The following UBE3A variants were observed in gnomAD, a reference collection of about 807,000 sequenced individuals.
UBE3A encodes the protein ubiquitin-protein ligase E3A.
UBE3A carries 6 observed loss-of-function variants against 83.4 expected under a neutral mutation model. The ratio of observed to expected loss-of-function variants is 0.07; its 90% CI spans 0.04 to 0.14. The LOEUF (loss-of-function observed/expected upper bound fraction) is 0.14. UBE3A is among the 10% of genes least tolerant of loss of function. The pLI is 1.00. For synonymous variants in UBE3A, 337 were observed against 355.4 expected (o/e 0.95, Z 0.58); for missense variants, 456 against 1,036.1 (o/e 0.44, Z 7.69).
At chr15:25,414,702 GT>G (rs980827540) in intron 1 of UBE3A, among the ~76,000 whole-genome samples, 3 of 152,152 alleles carry the variant, frequency 2.0e-5, no homozygotes, top group African/African-American at 7.2e-5. Flanking sequence ...ATATCAAATT[GT>G]TTACCAATTG....
chr15:25,429,790 AG>A (rs1306805565), intron 1 of UBE3A, among the ~76,000 whole-genome samples: 2 of 151,724 alleles, frequency 1.3e-5, no homozygotes, highest in Non-Finnish European at 2.9e-5. Flanking sequence ...AGATCACCTG[AG>A]GTTAGGAGTT....
chr15:25,405,642 T>C (rs1190491799), intron 3 of UBE3A, 140 bp from the exon 4 acceptor site: 3 of 883,728 alleles, frequency 3.4e-6, no homozygotes, highest in Admixed American at 4.2e-5. Flanking sequence ...GATGTCAACA[T>C]GAAAGAAAGT....
At chr15:25,428,457 G>A (rs978691626) in intron 1 of UBE3A, among the ~76,000 whole-genome samples, 5 of 152,070 alleles carry the variant, frequency 3.3e-5, no homozygotes, top group African/African-American at 1.2e-4. Flanking sequence ...CATACTACCA[G>A]AGAATACTAC....
chr15:25,354,458 C>A, intron 10 of UBE3A, 32 bp from the exon 11 acceptor site: 2 of 1,611,768 alleles, frequency 1.2e-6, no homozygotes, highest in Non-Finnish European at 1.7e-6. Context: ...TCTTAGTTAT[C>A]TGCTATACTA....
intron 6 of UBE3A, among the ~76,000 whole-genome samples, chr15:25,368,424 A>T (rs372410063): frequency 3.9e-5 from 6 of 152,124 alleles, no homozygotes; most frequent in African/African-American, 7.2e-5. Flanking sequence ...AGGGAGAAAG[A>T]AAGTTAAGAG....
intron 4 of UBE3A, among the ~76,000 whole-genome samples, chr15:25,396,822 A>T (rs1199014483): frequency 1.3e-5 from 2 of 152,176 alleles, no homozygotes; most frequent in Non-Finnish European, 2.9e-5. Flanking sequence ...CATCCTAGGA[A>T]ATTGGCAACA....
intron 11 of UBE3A, among the ~76,000 whole-genome samples, chr15:25,341,622 GC>G (rs1454446708): frequency 6.6e-6 from 1 of 151,056 alleles, no homozygotes; most frequent in Non-Finnish European, 1.5e-5. Context: ...AATTAGCCGG[GC>G]GTGGTGGCAG....
chr15:25,423,676 TTC>T (rs1213174997), intron 1 of UBE3A, among the ~76,000 whole-genome samples: 2 of 152,192 alleles, frequency 1.3e-5, no homozygotes, highest in African/African-American at 2.4e-5. Context: ...CCATCCTTTT[TTC>T]TGTTTTTCCT....
At chr15:25,401,616 T>C (rs1345337332) in intron 4 of UBE3A, among the ~76,000 whole-genome samples, 2 of 152,220 alleles carry the variant, frequency 1.3e-5, no homozygotes, top group African/African-American at 4.8e-5. Context: ...CTCTTATTTC[T>C]TGTACTTCTC....
chr15:25,389,550 T>G (rs533333226), intron 4 of UBE3A, among the ~76,000 whole-genome samples: 1 of 152,090 alleles, frequency 6.6e-6, no homozygotes, highest in East Asian at 1.9e-4. Flanking sequence ...AAGCCACAGA[T>G]AGGGAGGAAA....
chr15:25,404,109 A>G (rs1254106372), intron 4 of UBE3A, among the ~76,000 whole-genome samples: 3 of 152,232 alleles, frequency 2.0e-5, no homozygotes, highest in African/African-American at 7.2e-5. Context: ...ATTTTACTAC[A>G]ATTTTTTAAA....
intron 11 of UBE3A, among the ~76,000 whole-genome samples, chr15:25,348,810 C>T (rs1367224892): frequency 2.6e-5 from 4 of 152,090 alleles, no homozygotes; most frequent in Non-Finnish European, 5.9e-5. Flanking sequence ...AACTAACAAA[C>T]ATCTAAATAA....
chr15:25,340,446 A>G (rs1159194829), intron 11 of UBE3A, among the ~76,000 whole-genome samples: 1 of 152,222 alleles, frequency 6.6e-6, no homozygotes, highest in African/African-American at 2.4e-5. Flanking sequence ...ATAGTAAAAT[A>G]TTAGTACTAC....
At chr15:25,394,077 A>G (rs2085002444) in intron 4 of UBE3A, among the ~76,000 whole-genome samples, 1 of 152,204 alleles carries the variant, frequency 6.6e-6, no homozygotes, top group Admixed American at 6.5e-5. Context: ...TCAAGGTTTC[A>G]GCTTATATAC....
At position 25,371,732 on chromosome 15, in the gene UBE3A, G is replaced by A. The variant is rs587783101; in HGVS notation, c.442C>T (p.Arg148Cys). 20 of 1,613,616 alleles carry A rather than the reference G, an allele frequency of 1.2e-5. No homozygotes were observed. Among genetic ancestry groups the A allele is most frequent in the Admixed American group, 5.0e-5 (3 of 59,964 alleles). The change falls in exon 6 of 13, where the codon CGT (arginine) becomes TGT (cysteine). Residue 148 changes from arginine to cysteine, a missense_variant. Arg to Cys is a radical substitution (Grantham distance 180). This residue lies in a region of UBE3A where 34 missense variants were observed against 79.1 expected (regional missense o/e 0.43). Transcript: ENST00000648336. The surrounding 1 kb of genome is among the most constrained non-coding windows in gnomAD (Gnocchi z 5.3). ...CTAGAAAAAACTCTTCCAATAACAC[G>A]GATTAAAGGGGAATAATCCTCTCTT... ...REREDYSPLIRVIGRVFSSAE... is the reference protein window; with the variant it reads ...REREDYSPLICVIGRVFSSAE...
At chr15:25,428,332 C>T (rs548550728) in intron 1 of UBE3A, among the ~76,000 whole-genome samples, 22 of 151,926 alleles carry the variant, frequency 1.4e-4, no homozygotes, top group Non-Finnish European at 2.9e-4. Flanking sequence ...ATGCAAATAA[C>T]AAAGAGTAAC....
intron 4 of UBE3A, among the ~76,000 whole-genome samples, chr15:25,381,686 T>C (rs972781258): frequency 2.6e-5 from 4 of 152,232 alleles, no homozygotes; most frequent in Non-Finnish European, 5.9e-5. Flanking sequence ...AGTCTCTTTG[T>C]TCTGAGACGT....
At chr15:25,413,283 T>C (rs2090322745) in intron 1 of UBE3A, among the ~76,000 whole-genome samples, 1 of 152,176 alleles carries the variant, frequency 6.6e-6, no homozygotes, top group African/African-American at 2.4e-5. Context: ...GATCTATATC[T>C]ACCTCCCTAA....
intron 3 of UBE3A, chr15:25,408,336 G>A: frequency 2.1e-6 from 1 of 473,200 alleles, no homozygotes; most frequent in Non-Finnish European, 3.8e-6. Context: ...TAAGAATCCT[G>A]TATGTGCTTG....
Sources: gnomAD v4.1 joint callset for allele counts (sites outside exome capture counted in the v4.1 genomes callset) on GRCh38, gnomAD v4.1.1 for gene constraint, gnomAD v4.1.1 regional missense constraint, Gnocchi (gnomAD v3.1) non-coding constraint, MANE v1.5 for transcripts, NCBI Gene and HGNC (gene_info 2026-07-23, HGNC 2026-07-21) for gene names.